The following KPNA1 variants were observed in gnomAD, a reference collection of about 807,000 sequenced individuals.
KPNA1 encodes importin subunit alpha-5.
KPNA1 carries 10 observed loss-of-function variants against 70.5 expected under a neutral mutation model. That is an observed-to-expected ratio of 0.14 (90% confidence interval 0.09 to 0.24). The LOEUF is 0.24. Among genes scored for constraint, KPNA1 ranks in the 10% least tolerant of loss-of-function variants. KPNA1 has a pLI of 1.00. For missense variants in KPNA1, 397 were observed against 637.9 expected, an observed-to-expected ratio of 0.62 and a Z score of 4.07; for synonymous variants, 192 against 221.9, an observed-to-expected ratio of 0.87 and a Z score of 1.20.
intron 11 of KPNA1, among the ~76,000 whole-genome samples, chr3:122,436,242 CA>C (rs1180365076): frequency 1.3e-5 from 2 of 152,212 alleles, no homozygotes; most frequent in Non-Finnish European, 2.9e-5. Flanking sequence ...TGTCTGTTCT[CA>C]AACCCTGTCT....
chr3:122,496,599 G>A, intron 1 of KPNA1, 29 bp from the exon 2 acceptor site: 1 of 1,605,992 alleles, frequency 6.2e-7, no homozygotes, highest in Non-Finnish European at 8.5e-7. Flanking sequence ...GAGAACAAAT[G>A]AGTTTACTGT....
chr3:122,478,210 G>C (rs1490529972), intron 2 of KPNA1, among the ~76,000 whole-genome samples: 1 of 150,034 alleles, frequency 6.7e-6, no homozygotes, highest in Non-Finnish European at 1.5e-5. Context: ...AGGGTCCAAA[G>C]AGAGGAAATG....
At chr3:122,443,880 C>T (rs1056515674) in intron 9 of KPNA1, among the ~76,000 whole-genome samples, 4 of 152,218 alleles carry the variant, frequency 2.6e-5, no homozygotes, top group Admixed American at 2.6e-4. Context: ...TCCCACTGTA[C>T]ACCCATTGTC....
chr3:122,489,385 G>A (rs920264121), intron 2 of KPNA1, among the ~76,000 whole-genome samples: 8 of 151,794 alleles, frequency 5.3e-5, no homozygotes, highest in African/African-American at 1.9e-4. Flanking sequence ...AAACTCCTGG[G>A]CTCAAGCCAT....
intron 2 of KPNA1, among the ~76,000 whole-genome samples, chr3:122,470,923 C>T (rs1009771160): frequency 6.6e-5 from 10 of 152,008 alleles, no homozygotes; most frequent in Non-Finnish European, 1.2e-4. Flanking sequence ...ATTCCTTTGA[C>T]TGTCAATAGT....
chr3:122,468,497 C>CTTAA (rs1257824057), intron 2 of KPNA1, among the ~76,000 whole-genome samples: 1 of 152,172 alleles, frequency 6.6e-6, no homozygotes, highest in Non-Finnish European at 1.5e-5. Context: ...CCAAAACCAC[C>CTTAA]TACCAAAGGC....
At chr3:122,441,848 G>A (rs1021178243) in intron 10 of KPNA1, among the ~76,000 whole-genome samples, 190 bp downstream of exon 10, 4 of 152,256 alleles carry the variant, frequency 2.6e-5, no homozygotes, top group Middle Eastern at 3.4e-3. Context: ...CAATCCGTCC[G>A]CCTCAGTCTC....
At chr3:122,500,012 A>G (rs1027986365) in intron 1 of KPNA1, among the ~76,000 whole-genome samples, 18 of 152,098 alleles carry the variant, frequency 1.2e-4, no homozygotes, top group African/African-American at 4.1e-4. Context: ...GTCTATTCAG[A>G]TTGTCTGTTC....
intron 1 of KPNA1, among the ~76,000 whole-genome samples, chr3:122,501,328 CT>C (rs1346049036): frequency 1.3e-5 from 2 of 152,160 alleles, no homozygotes; most frequent in East Asian, 3.9e-4. Context: ...GCCCAGCATC[CT>C]TTCTTCTTTA....
intron 2 of KPNA1, among the ~76,000 whole-genome samples, chr3:122,491,559 TA>T (rs2076698297): frequency 1.3e-5 from 2 of 152,130 alleles, no homozygotes; most frequent in African/African-American, 4.8e-5. Context: ...ACTGGTTTGA[TA>T]AAAGTGGAAG....
At chr3:122,435,043 C>T (rs7611776) in intron 11 of KPNA1, among the ~76,000 whole-genome samples, 171 of 152,244 alleles carry the variant, frequency 1.1e-3, no homozygotes, top group African/African-American at 3.9e-3. Flanking sequence ...CACCTAATCC[C>T]GGTCCTGTCA....
At chr3:122,452,552 G>GGAGGGAA (rs2076215690) in intron 6 of KPNA1, among the ~76,000 whole-genome samples, 2 of 34,846 alleles carry the variant, frequency 5.7e-5, no homozygotes, top group Non-Finnish European at 1.2e-4. Context: ...GAAGGAGGGA[G>GGAGGGAA]GGAGGGAGGG....
At chr3:122,452,535 A>AGGG in intron 6 of KPNA1, among the ~76,000 whole-genome samples, 2 of 42,084 alleles carry the variant, frequency 4.8e-5, no homozygotes, top group Non-Finnish European at 1.1e-4. Flanking sequence ...GGAAGGAGGG[A>AGGG]AGGAGGGAAG....
chr3:122,453,944 T>C lies in KPNA1; in HGVS notation c.490A>G (p.Ile164Val), dbSNP rs777480696. The C allele has an allele frequency of 3.1e-6, 5 of 1,613,122 alleles. No homozygotes were observed. Among genetic ancestry groups the C allele is most frequent in the Admixed American group, 1.7e-5 (1 of 59,978 alleles). The change falls in exon 6 of 14, where the codon ATT becomes GTT. Residue 164 changes from isoleucine (I) to valine (V), a missense_variant. By Grantham distance (29) the Ile-to-Val change is conservative. Transcript: ENST00000344337. Reference sequence around the variant, plus strand: ...GGCACAGCTCCTGCCTGAATCACAATTCGGGTCTGAAGAGAATTTCCTGAA... The same window carrying C: ...GGCACAGCTCCTGCCTGAATCACAACTCGGGTCTGAAGAGAATTTCCTGAA... ...IASGNSLQTR[I>V]VIQAGAVPIF... is the part of the protein sequence containing the mutation.
intron 5 of KPNA1, among the ~76,000 whole-genome samples, chr3:122,461,001 T>C (rs2076317920): frequency 6.6e-6 from 1 of 152,068 alleles, no homozygotes; most frequent in Non-Finnish European, 1.5e-5. Context: ...TCCACAATCA[T>C]AAACATTTTA....
rs766764778 is a variant in KPNA1 at position 122,461,292 on chromosome 3, T to C, written c.364A>G (p.Ile122Val). The change falls in exon 5 of 14, where the codon ATC becomes GTC. Residue 122 changes from isoleucine (I) to valine (V), a missense_variant. Transcript: ENST00000344337. ...CTGGCCACTACTCCTGGTGTGCTGA[T>C]AACTTCATCAATAGGAGGGTTAGGT... The part of the protein sequence containing the change: ...KEPNPPIDEV[I>V]STPGVVARFV... 1.9e-6 allele frequency: 3 copies of C among 1,613,068 alleles called. No homozygotes were observed. Among genetic ancestry groups the C allele is most frequent in the Admixed American group, 1.7e-5 (1 of 59,958 alleles).
intron 11 of KPNA1, 104 bp downstream of exon 11, chr3:122,437,066 C>T: frequency 8.4e-7 from 1 of 1,185,140 alleles, no homozygotes. Flanking sequence ...AGGCAGGAGC[C>T]ACCGCACCCA....
chr3:122,453,877 T>A lies in KPNA1; in HGVS notation c.557A>T (p.Gln186Leu), dbSNP rs1191732792. ...TTTTTGTTTCATTTTTACCTGTTCC[T>A]GGACATCTTCAAACTCTGAGCTGAG... Reference protein sequence around the residue: ...ELLSSEFEDVQEQAVWALGNI... With the variant: ...ELLSSEFEDVLEQAVWALGNI... The change falls in exon 6 of 14, where the codon CAG becomes CTG. Residue 186 changes from glutamine (Q) to leucine (L), a missense_variant. Transcript: ENST00000344337. 1.2e-6 allele frequency: 2 copies of A among 1,602,730 alleles called. No homozygotes were observed. The highest frequency in any genetic ancestry group is 1.7e-6 in the Non-Finnish European group (2 of 1,176,162).
chr3:122,456,777 A>G (rs2076269250), intron 5 of KPNA1, among the ~76,000 whole-genome samples: 1 of 152,234 alleles, frequency 6.6e-6, no homozygotes, highest in African/African-American at 2.4e-5. Context: ...TAACCTCTCA[A>G]TGCAATTCAG....
Sources: allele counts gnomAD v4.1 joint callset (sites outside exome capture counted in the v4.1 genomes callset), GRCh38; gene constraint gnomAD v4.1.1; transcripts MANE v1.5; gene names NCBI Gene and HGNC (gene_info 2026-07-23, HGNC 2026-07-21).